Variants in CLCN7 observed in about 807,000 individuals in gnomAD.
CLCN7 encodes Cl-/H+ antiporter 7, also known as H(+)/Cl(-) exchange transporter 7.
CLCN7 carries 60 observed loss-of-function variants against 102.1 expected under a neutral mutation model. The ratio of observed to expected loss-of-function variants is 0.59; its 90% CI spans 0.48 to 0.73. The LOEUF (loss-of-function observed/expected upper bound fraction) is 0.73, where lower values mean the gene tolerates loss of function less well. CLCN7 is among the 30% of genes least tolerant of loss of function. CLCN7 has a pLI of 0.00. For missense variants in CLCN7, 962 were observed against 1,125.7 expected (o/e 0.85, Z 2.08); for synonymous variants, 560 against 490.5 (o/e 1.14, Z -1.87).
chr16:1,470,174 T>C (rs1315721227), intron 1 of CLCN7, among the ~76,000 whole-genome samples: 1 of 152,190 alleles, frequency 6.6e-6, no homozygotes, highest in East Asian at 1.9e-4. Context: ...AAACAAAATG[T>C]TTTTTAGAAA....
Position 1,452,815 on chromosome 16 carries a change from C to T in CLCN7, c.1293G>A (p.Leu431=). ...AAVTATVAFV[L]IYSSRDCQPL... Reference sequence around the variant, plus strand: ...GCTGGCAATCCCGCGACGAGTAGATCAGCACGAAGGCAACTGTGGCCGTGA... The same window carrying T: ...GCTGGCAATCCCGCGACGAGTAGATTAGCACGAAGGCAACTGTGGCCGTGA... Residue 431 remains leucine (L), a synonymous_variant, in exon 15 of 25, where the codon CTG becomes CTA. Transcript: ENST00000382745. 1 of 1,604,740 alleles carries T rather than the reference C, an allele frequency of 6.2e-7. No individual in the cohort carries two copies. The highest frequency in any genetic ancestry group is 1.3e-5 in the African/African-American group (1 of 74,804).
chr16:1,473,531 G>A lies in CLCN7; in HGVS notation c.141+1303C>T, dbSNP rs368370840. On this transcript the variant is annotated intron_variant, in intron 1 of 24. Transcript: ENST00000382745. ...TGGGACTACAGGCGCCCGCCACCAC[G>A]CCTGGCTAATTTTTTGTATTTTTAG... Among the ~76,000 whole-genome samples, 3 of 151,044 alleles carry A rather than the reference G, an allele frequency of 2.0e-5. No individual in the cohort carries two copies. In the East Asian group the frequency reaches 6.0e-4, roughly 30 times the overall value.
At chr16:1,449,142 G>A in intron 18 of CLCN7, 49 bp from the exon 19 acceptor site, 3 of 1,609,918 alleles carry the variant, frequency 1.9e-6, no homozygotes, top group Non-Finnish European at 8.5e-7. Context: ...CTGGCTCAGG[G>A]TCACGTGGCC....
At position 1,445,608 on chromosome 16, in the gene CLCN7, C is replaced by T. The variant is rs2038625998; in HGVS notation, c.*1023G>A. The T allele has an allele frequency of 6.6e-6, 1 of 152,498 alleles. No individual in the cohort carries two copies. Among genetic ancestry groups the T allele is most frequent in the African/African-American group, 2.4e-5 (1 of 41,464 alleles). The allele number at this position is 152,498 out of a possible 1,614,324, so 9.4% of individuals were successfully genotyped here. A position where few individuals can be genotyped will look rare whatever the true frequency, so the allele number is the denominator to read the frequency against. ...CAGGCCAGAGGAGCCTCCCAGGGGC[C>T]CTCAGGTGGTGAGGTGGGGGCTTCC... On this transcript the variant is annotated 3_prime_UTR_variant, in exon 25 of 25. Coordinates refer to ENST00000382745, the MANE Select transcript of CLCN7 (RefSeq NM_001287.6).
At position 1,447,847 on chromosome 16, in the gene CLCN7, A is replaced by G. The variant is rs942765585; in HGVS notation, c.2014-133T>C. On this transcript the variant is annotated intron_variant, in intron 21 of 24. Transcript: ENST00000382745. ...GGGCATGGGCCCCGTGTCGGTGGCT[A>G]CCTGCTCACACCAGCCTCGCCATGG... 7 of 925,742 alleles carry G rather than the reference A, an allele frequency of 7.6e-6. No individual in the cohort carries two copies. In the African/African-American group the frequency reaches 1.1e-4, roughly 15 times the overall value. The allele number at this position is 925,742 out of a possible 1,614,324, so 57.3% of individuals were successfully genotyped here.
Position 1,446,491 on chromosome 16 carries a change from G to T in CLCN7, c.*140C>A. ...CGAGAGGGTCAGTTCCGCGCCTGCC[G>T]CCTGCCCGCCCAGCTGCAGGGTGCT... On this transcript the variant is annotated 3_prime_UTR_variant, in exon 25 of 25. Transcript: ENST00000382745. 1.2e-6 allele frequency: 1 copy of T among 801,638 alleles called. No homozygotes were observed. Among genetic ancestry groups the T allele is most frequent in the Non-Finnish European group, 2.1e-6 (1 of 473,450 alleles). 49.7% of individuals were successfully genotyped at this position (801,638 alleles called of 1,614,324 possible).
rs370546919 is a variant in CLCN7 at position 1,452,923 on chromosome 16, G to T, written c.1215-30C>A. The T allele has an allele frequency of 9.0e-6, 14 of 1,556,474 alleles. No individual in the cohort carries two copies. The African/African-American group carries it at 1.6e-4, about 18-fold the overall frequency. On this transcript the variant is annotated intron_variant, in intron 14 of 24. Transcript: ENST00000382745. ...AACCAAGAATCAGGCTGCATGGCAG[G>T]CAGGACGGCAGCGCGGCCCCTCCGC...
At chr16:1,460,700 C>A in intron 5 of CLCN7, 116 bp downstream of exon 5, 2 of 1,510,154 alleles carry the variant, frequency 1.3e-6, no homozygotes, top group Non-Finnish European at 1.8e-6. Context: ...ACACAGCCAG[C>A]CTGGCCGGGC....
chr16:1,460,602 A>T, intron 5 of CLCN7, 75 bp from the exon 6 acceptor site: 2 of 1,364,238 alleles, frequency 1.5e-6, no homozygotes, highest in Non-Finnish European at 2.1e-6. Flanking sequence ...TGCCCCACAG[A>T]CCAGCCTGGC....
At position 1,470,734 on chromosome 16, in the gene CLCN7, G is replaced by C. The variant is rs2039067018; in HGVS notation, c.141+4100C>G. ...TACAGCAGAGCTCAAGGGGCCACTG[G>C]CGACGACCCCAGACCCTCCCCCGCA... is the stretch of plus-strand genomic sequence containing the variant. On this transcript the variant is annotated intron_variant, in intron 1 of 24. Coordinates refer to ENST00000382745, the MANE Select transcript of CLCN7 (RefSeq NM_001287.6). Among the ~76,000 whole-genome samples, 2 of 152,206 alleles carry C rather than the reference G, an allele frequency of 1.3e-5. 1 individual carries two copies. The highest frequency in any genetic ancestry group is 4.8e-5 in the African/African-American group (2 of 41,446).
rs199866480 is a variant in CLCN7, at chr16:1,460,968, C to T, written c.352-20G>A. 118 of 1,611,096 alleles carry T rather than the reference C, an allele frequency of 7.3e-5. No individual in the cohort carries two copies. Among genetic ancestry groups the T allele is most frequent in the African/African-American group, 5.6e-4 (42 of 75,030 alleles). On this transcript the variant is annotated intron_variant, in intron 4 of 24. Transcript: ENST00000382745. ...GAAGGCCTGCAGGGCGCGGTCAGGG[C>T]GAGGGTCAGGCAGGGCCCTGGCGCA...
chr16:1,449,892 T>C (rs2038716518), intron 17 of CLCN7: 1 of 180,546 alleles, frequency 5.5e-6, no homozygotes, highest in Non-Finnish European at 1.2e-5. Flanking sequence ...AACCAAACCC[T>C]TGTGCGGAGG....
chr16:1,469,563 G>A (rs1331993367), intron 1 of CLCN7, among the ~76,000 whole-genome samples: 1 of 152,090 alleles, frequency 6.6e-6, no homozygotes, highest in Non-Finnish European at 1.5e-5. Flanking sequence ...GTGGGCGCCT[G>A]TAATCCCAGC....
intron 1 of CLCN7, chr16:1,474,139 A>G (rs2039117362): frequency 4.4e-6 from 2 of 455,902 alleles, no homozygotes; most frequent in Non-Finnish European, 8.8e-6. Flanking sequence ...TGTACCCGCA[A>G]CGGTTCTCCA....
chr16:1,449,427 C>T, intron 17 of CLCN7, 100 bp from the exon 18 acceptor site: 1 of 1,122,992 alleles, frequency 8.9e-7, no homozygotes, highest in Non-Finnish European at 1.3e-6. Flanking sequence ...AGCAGCCCCA[C>T]AGCCAGGAAC....
At chr16:1,455,703 C>G (rs2038824625) in intron 11 of CLCN7, 28 bp downstream of exon 11, 1 of 1,611,636 alleles carries the variant, frequency 6.2e-7, no homozygotes, top group Admixed American at 1.7e-5. Context: ...GCACCCTGAT[C>G]AGGAGGCAGC....
In CLCN7 at chr16:1,457,580, G is replaced by A. The variant is rs939930832; in HGVS notation, c.738+114C>T. The A allele has an allele frequency of 1.7e-5, 17 of 1,004,384 alleles. No homozygotes were observed. Among genetic ancestry groups the A allele is most frequent in the South Asian group, 2.6e-5 (2 of 76,030 alleles). The allele number at this position is 1,004,384 out of a possible 1,614,324, so 62.2% of individuals were successfully genotyped here. ...CGGTGCTCAGAGACACGCGTGACGC[G>A]GCCCTTCCTGGAGACCAGAAGGACC... On this transcript the variant is annotated intron_variant, in intron 8 of 24. Transcript: ENST00000382745. The surrounding 1 kb of genome is among the most constrained non-coding windows in gnomAD (Gnocchi z 5.4).
chr16:1,461,111 C>T lies in CLCN7; in HGVS notation c.352-163G>A, dbSNP rs115280102. Among the ~76,000 whole-genome samples the T allele has an allele frequency of 5.4e-3, 827 of 152,348 alleles. 6 individuals are homozygous for T. The highest frequency in any genetic ancestry group is 0.019 in the African/African-American group (772 of 41,578). ...GACAGTTTCTGGCCAACATCTGAGG[C>T]GCACCCGGGGCCCGAGGGTGACTCG... On this transcript the variant is annotated intron_variant, in intron 4 of 24. Coordinates refer to ENST00000382745, the MANE Select transcript of CLCN7 (RefSeq NM_001287.6).
intron 18 of CLCN7, 70 bp from the exon 19 acceptor site, chr16:1,449,163 C>T (rs2038702780): frequency 3.7e-6 from 6 of 1,600,550 alleles, no homozygotes; most frequent in Non-Finnish European, 5.1e-6. Context: ...ACTGCCTTCT[C>T]TGCAGCACCC....
Sources: gnomAD v4.1 joint callset for allele counts (sites outside exome capture counted in the v4.1 genomes callset) on GRCh38, gnomAD v4.1.1 for gene constraint, Gnocchi (gnomAD v3.1) non-coding constraint, MANE v1.5 for transcripts, NCBI Gene and HGNC (gene_info 2026-07-23, HGNC 2026-07-21) for gene names.